KCNH1: variants seen among roughly 807,000 people sequenced by gnomAD.
The protein encoded by KCNH1 is voltage-gated delayed rectifier potassium channel KCNH1.
A neutral mutation model predicts 69.2 loss-of-function variants in KCNH1; 27 were observed. The observed-to-expected ratio is 0.39, with a 90% CI of 0.29 to 0.54. The LOEUF is 0.54. Ranked by LOEUF, KCNH1 falls within the 20% of genes least tolerant of loss-of-function variation. The pLI, the probability that KCNH1 is intolerant of heterozygous loss-of-function variation, is 0.68. For synonymous variants in KCNH1, 456 were observed against 487.7 expected, an observed-to-expected ratio of 0.93 and a Z score of 0.86; for missense variants, 798 against 1,261.6, an observed-to-expected ratio of 0.63 and a Z score of 5.57.
chr1:210,827,358 A>AG (rs918656913), intron 7 of KCNH1, among the ~76,000 whole-genome samples: 2 of 151,736 alleles, frequency 1.3e-5, no homozygotes, highest in African/African-American at 4.8e-5. Flanking sequence ...AAAGAAAAAA[A>AG]AGAAATATCA....
chr1:211,107,410 A>C, intron 1 of KCNH1, 33 bp from the exon 2 acceptor site: 2 of 1,593,340 alleles, frequency 1.3e-6, no homozygotes, highest in Non-Finnish European at 8.6e-7. Flanking sequence ...AAAAAAGGGC[A>C]CATGAGGCAA....
chr1:210,869,379 T>C (rs1259724495), intron 7 of KCNH1, among the ~76,000 whole-genome samples: 1 of 152,114 alleles, frequency 6.6e-6, no homozygotes, highest in African/African-American at 2.4e-5. Context: ...ACTCCAGTGA[T>C]ATGCATATTT....
At chr1:210,878,740 C>T (rs897889184) in intron 7 of KCNH1, among the ~76,000 whole-genome samples, 2 of 151,278 alleles carry the variant, frequency 1.3e-5, no homozygotes, top group African/African-American at 4.9e-5. Context: ...AAAAGAAGAG[C>T]AAATTAAATG....
chr1:210,877,312 T>C (rs965269144), intron 7 of KCNH1, among the ~76,000 whole-genome samples: 6 of 152,136 alleles, frequency 3.9e-5, no homozygotes, highest in Non-Finnish European at 7.3e-5. Flanking sequence ...GGACACTGAC[T>C]GCCGTCTCAC....
intron 6 of KCNH1, among the ~76,000 whole-genome samples, chr1:210,969,233 C>T (rs904632140): frequency 6.6e-6 from 1 of 151,948 alleles, no homozygotes; most frequent in Middle Eastern, 3.2e-3. Flanking sequence ...TTTTACTTTT[C>T]TACACCATGC....
intron 4 of KCNH1, among the ~76,000 whole-genome samples, chr1:211,085,173 G>T (rs1279885573): frequency 6.6e-6 from 1 of 152,126 alleles, no homozygotes; most frequent in Non-Finnish European, 1.5e-5. Flanking sequence ...CACCTACAAA[G>T]GCAGAAAATT....
intron 7 of KCNH1, among the ~76,000 whole-genome samples, chr1:210,906,480 A>G (rs1005943419): frequency 1.3e-5 from 2 of 152,190 alleles, no homozygotes; most frequent in African/African-American, 4.8e-5. Context: ...AGTACTGGAG[A>G]GAAGTGCTTA....
intron 7 of KCNH1, among the ~76,000 whole-genome samples, chr1:210,914,052 G>A (rs2102553169): frequency 6.6e-6 from 1 of 152,260 alleles, no homozygotes; most frequent in South Asian, 2.1e-4. Flanking sequence ...GAATACAGCA[G>A]AGAAACCTGG....
At chr1:210,935,636 A>G (rs1325872068) in intron 6 of KCNH1, among the ~76,000 whole-genome samples, 4 of 152,362 alleles carry the variant, frequency 2.6e-5, no homozygotes, top group Non-Finnish European at 4.4e-5. Context: ...TTATGTGCCA[A>G]TTAAAAATAA....
At position 210,806,820 on chromosome 1, in the gene KCNH1, AAAAAAAAAAAAAAAAAAT is replaced by A. The variant is rs1420157517; in HGVS notation, c.1463-2672_1463-2655del. ...CCCCATCTCTACCAAAAAAAAAAAA[AAAAAAAAAAAAAAAAAAT>A]ATATATATATATATATAAATTTGCC... On this transcript the variant is annotated intron_variant, in intron 7 of 10. Transcript: ENST00000271751. Among the ~76,000 whole-genome samples, 12 of 23,668 alleles carry A rather than the reference AAAAAAAAAAAAAAAAAAT, an allele frequency of 5.1e-4. No individual in the cohort carries two copies. In the South Asian group the frequency reaches 0.013, roughly 25 times the overall value. The allele number at this position is 23,668 out of a possible 152,430, so 15.5% of individuals were successfully genotyped here. A position where few individuals can be genotyped will look rare whatever the true frequency, so the allele number is the denominator to read the frequency against.
intron 10 of KCNH1, among the ~76,000 whole-genome samples, chr1:210,748,701 A>G (rs778137803): frequency 8.5e-5 from 13 of 152,182 alleles, no homozygotes; most frequent in Non-Finnish European, 1.6e-4. Flanking sequence ...CCAGGCAGGC[A>G]TCAGTTCTGA....
chr1:211,053,100 G>GGAAGA (rs1210127111), intron 5 of KCNH1, among the ~76,000 whole-genome samples: 2 of 152,158 alleles, frequency 1.3e-5, no homozygotes, highest in Admixed American at 1.3e-4. Flanking sequence ...TAATGGTGAG[G>GGAAGA]GAAGAAAGAA....
At chr1:210,739,116 T>G (rs569353491) in intron 10 of KCNH1, among the ~76,000 whole-genome samples, 8 of 152,348 alleles carry the variant, frequency 5.3e-5, no homozygotes, top group African/African-American at 1.4e-4. Flanking sequence ...ATTCTAGGAA[T>G]GATCCTCAGT....
chr1:210,706,158 C>G (rs1306561400), intron 10 of KCNH1, among the ~76,000 whole-genome samples: 1 of 152,148 alleles, frequency 6.6e-6, no homozygotes, highest in Non-Finnish European at 1.5e-5. Flanking sequence ...GAAATTTCCC[C>G]TCTTCCACAA....
intron 6 of KCNH1, among the ~76,000 whole-genome samples, chr1:210,971,840 G>GAT (rs1230913082): frequency 1.4e-4 from 22 of 151,872 alleles, no homozygotes; most frequent in Admixed American, 1.1e-3. Context: ...CATACTTAAA[G>GAT]ATATATATAC....
intron 5 of KCNH1, among the ~76,000 whole-genome samples, chr1:211,030,502 G>A (rs962325790): frequency 5.9e-5 from 9 of 152,152 alleles, no homozygotes; most frequent in Non-Finnish European, 8.8e-5. Context: ...CGCAATTTGT[G>A]CAGGAAAGAC....
intron 7 of KCNH1, among the ~76,000 whole-genome samples, chr1:210,884,453 T>C (rs1365232933): frequency 6.6e-6 from 1 of 152,212 alleles, no homozygotes; most frequent in East Asian, 1.9e-4. Context: ...CTCTATTTTA[T>C]AGAGGAAGAT....
chr1:210,889,306 CAT>C (rs902055454), intron 7 of KCNH1, among the ~76,000 whole-genome samples: 63 of 152,256 alleles, frequency 4.1e-4, no homozygotes, highest in African/African-American at 1.5e-3. Context: ...ACAAAAACCA[CAT>C]GATTATTTCC....
chr1:210,945,388 A>G lies in KCNH1; in HGVS notation c.1033-25319T>C, dbSNP rs150613553. 1.3e-4 allele frequency among the ~76,000 whole-genome samples: 20 copies of G among 152,166 alleles called. No homozygotes were observed. In the East Asian group the frequency reaches 3.3e-3, roughly 25 times the overall value. Reference sequence around the variant, plus strand: ...TAAGTTAGGAACTACACGTATCTCCATTTTACAAAGAAGGAAACTGAGGCA... The same window carrying G: ...TAAGTTAGGAACTACACGTATCTCCGTTTTACAAAGAAGGAAACTGAGGCA... On this transcript the variant is annotated intron_variant, in intron 6 of 10. Coordinates refer to ENST00000271751, the MANE Select transcript of KCNH1 (RefSeq NM_172362.3).
Sources: allele counts gnomAD v4.1 joint callset (sites outside exome capture counted in the v4.1 genomes callset), GRCh38; gene constraint gnomAD v4.1.1; transcripts MANE v1.5; gene names NCBI Gene and HGNC (gene_info 2026-07-23, HGNC 2026-07-21).